NAALADL2: variants seen among roughly 807,000 people sequenced by gnomAD.
NAALADL2 encodes the protein inactive N-acetylated-alpha-linked acidic dipeptidase-like protein 2.
NAALADL2 carries 76 observed loss-of-function variants against 87.2 expected under a neutral mutation model. The observed-to-expected ratio is 0.87, with a 90% CI of 0.72 to 1.05. NAALADL2 has a LOEUF of 1.05. Ranked by LOEUF, NAALADL2 falls within the 50% of genes least tolerant of loss-of-function variation. NAALADL2 has a pLI of 0.00. For synonymous variants in NAALADL2, 354 were observed against 331.0 expected (o/e 1.07, Z -0.75); for missense variants, 1,089 against 945.8 (o/e 1.15, Z -1.99).
Position 175,720,676 on chromosome 3 carries a change from C to T in NAALADL2, c.1897-16630C>T, listed in dbSNP as rs142608703. ...AAAAAAAAATTGTGATGAAGTGGCTCGTAGGGGTAAAAGAAAGGTTGCCTA... is the reference window on the plus strand; with the variant it reads ...AAAAAAAAATTGTGATGAAGTGGCTTGTAGGGGTAAAAGAAAGGTTGCCTA... On this transcript the variant is annotated intron_variant, in intron 11 of 13. Transcript: ENST00000454872. Among the ~76,000 whole-genome samples, 8 of 151,912 alleles carry T rather than the reference C, an allele frequency of 5.3e-5. No individual in the cohort carries two copies. In the East Asian group the frequency reaches 5.8e-4, roughly 11 times the overall value.
chr3:175,782,615 A>G (rs541488025), intron 13 of NAALADL2, among the ~76,000 whole-genome samples: 3,833 of 140,416 alleles, frequency 0.027, 218 homozygotes, highest in African/African-American at 0.11. Context: ...GCCCTTTGTC[A>G]GATGAGTAGG....
intron 1 of NAALADL2, among the ~76,000 whole-genome samples, chr3:174,888,608 C>CG: frequency 1.3e-5 from 2 of 152,260 alleles, no homozygotes; most frequent in South Asian, 2.1e-4. Flanking sequence ...GCCTGGTATC[C>CG]GAGGAATCTG....
At chr3:175,063,034 TC>T (rs895326614) in intron 1 of NAALADL2, among the ~76,000 whole-genome samples, 2 of 152,212 alleles carry the variant, frequency 1.3e-5, no homozygotes, top group South Asian at 2.1e-4. Flanking sequence ...CATATTTTTT[TC>T]TACATATATT....
chr3:175,465,544 G>A (rs13091255), intron 7 of NAALADL2, among the ~76,000 whole-genome samples: 1 of 141,044 alleles, frequency 7.1e-6, no homozygotes, highest in Non-Finnish European at 1.5e-5. Context: ...CACGATCTTC[G>A]CTCATTGCAT....
At chr3:174,996,170 T>C (rs567966770) in intron 1 of NAALADL2, among the ~76,000 whole-genome samples, 115 of 152,320 alleles carry the variant, frequency 7.5e-4, no homozygotes, top group African/African-American at 2.7e-3. Context: ...ATCTACTAGT[T>C]CTATTTACCT....
At chr3:174,734,695 C>T (rs1342348100) in intron 2 of NAALADL2, among the ~76,000 whole-genome samples, 2 of 152,118 alleles carry the variant, frequency 1.3e-5, no homozygotes, top group African/African-American at 2.4e-5. Flanking sequence ...CCTCATCAAG[C>T]AGTTCTTTCT....
intron 3 of NAALADL2, among the ~76,000 whole-genome samples, chr3:174,842,145 G>A (rs1389608771): frequency 4.0e-5 from 6 of 151,382 alleles, no homozygotes; most frequent in Non-Finnish European, 5.9e-5. Flanking sequence ...TCTGCCTGCC[G>A]GGTTCAAGTG....
chr3:175,393,434 A>AT (rs961144341), intron 5 of NAALADL2, among the ~76,000 whole-genome samples: 37 of 151,768 alleles, frequency 2.4e-4, no homozygotes, highest in East Asian at 3.9e-4. Flanking sequence ...TTGAAATCAT[A>AT]TTTTTTTAAT....
At chr3:175,423,047 ATATATT>A (rs1375349908) in intron 5 of NAALADL2, among the ~76,000 whole-genome samples, 5 of 114,168 alleles carry the variant, frequency 4.4e-5, no homozygotes, top group East Asian at 6.7e-4. Context: ...ATATATATAT[ATATATT>A]TTTTTTTTTT....
At chr3:175,058,254 C>T (rs552811422) in intron 1 of NAALADL2, among the ~76,000 whole-genome samples, 2 of 152,216 alleles carry the variant, frequency 1.3e-5, no homozygotes, top group Admixed American at 1.3e-4. Flanking sequence ...AGAGAGAGAA[C>T]AATCACCCAT....
At chr3:175,438,316 A>C (rs1719089474) in intron 5 of NAALADL2, among the ~76,000 whole-genome samples, 1 of 152,184 alleles carries the variant, frequency 6.6e-6, no homozygotes, top group Non-Finnish European at 1.5e-5. Flanking sequence ...AGCTGTATTC[A>C]CAAGGACAAC....
intron 1 of NAALADL2, among the ~76,000 whole-genome samples, chr3:175,043,390 C>A (rs183990723): frequency 1.6e-4 from 25 of 152,180 alleles, no homozygotes; most frequent in Admixed American, 1.6e-3. Flanking sequence ...AGGCACGCGC[C>A]ACGATGCCTG....
chr3:175,191,691 C>T (rs544640078), intron 2 of NAALADL2, among the ~76,000 whole-genome samples: 23 of 152,234 alleles, frequency 1.5e-4, no homozygotes, highest in African/African-American at 4.6e-4. Flanking sequence ...ATATAATGTA[C>T]GCATTTTGGT....
At chr3:175,133,264 C>T (rs920010615) in intron 2 of NAALADL2, among the ~76,000 whole-genome samples, 17 of 152,060 alleles carry the variant, frequency 1.1e-4, no homozygotes, top group African/African-American at 3.9e-4. Context: ...AGGGGCTCCT[C>T]ACATCCCAGA....
chr3:175,636,607 A>T (rs1348344980), intron 11 of NAALADL2, among the ~76,000 whole-genome samples: 4 of 150,566 alleles, frequency 2.7e-5, no homozygotes, highest in Non-Finnish European at 4.4e-5. Flanking sequence ...CTGAGGCAGG[A>T]GAATCGTTTG....
At chr3:175,212,311 G>A (rs1741875549) in intron 2 of NAALADL2, among the ~76,000 whole-genome samples, 1 of 150,994 alleles carries the variant, frequency 6.6e-6, no homozygotes, top group South Asian at 2.1e-4. Context: ...CTATATAAGA[G>A]TTAATTAATC....
chr3:175,257,111 T>A (rs928484411), intron 4 of NAALADL2: 4 of 151,890 alleles, frequency 2.6e-5, no homozygotes, highest in Non-Finnish European at 5.9e-5. Flanking sequence ...ACAGATACAC[T>A]TATGTAATTA....
chr3:174,866,321 T>C (rs1447080585), intron 1 of NAALADL2, among the ~76,000 whole-genome samples: 1 of 151,892 alleles, frequency 6.6e-6, no homozygotes, highest in African/African-American at 2.4e-5. Context: ...TAGATGATTT[T>C]CCTTTGAGCT....
intron 2 of NAALADL2, among the ~76,000 whole-genome samples, chr3:174,581,391 G>A (rs1016543301): frequency 6.6e-6 from 1 of 152,088 alleles, no homozygotes. Flanking sequence ...AAAACTGGAA[G>A]TATAAATAGT....
Sources: allele counts gnomAD v4.1 joint callset (sites outside exome capture counted in the v4.1 genomes callset), GRCh38; gene constraint gnomAD v4.1.1; transcripts MANE v1.5; gene names NCBI Gene and HGNC (gene_info 2026-07-23, HGNC 2026-07-21).